The following DPH6 variants were observed in gnomAD, a reference collection of about 807,000 sequenced individuals.
DPH6 encodes diphthine--ammonia ligase.
In DPH6, 33 loss-of-function variants were observed where a neutral mutation model predicts 38.2. That is an observed-to-expected ratio of 0.86 (90% CI 0.65 to 1.15). DPH6 has a LOEUF of 1.15. DPH6 is among the 50% of genes most tolerant of loss of function. DPH6 has a pLI of 0.00. For missense variants in DPH6, 325 were observed against 320.0 expected (o/e 1.02, Z -0.12); for synonymous variants, 108 against 103.0 (o/e 1.05, Z -0.30).
rs59254765 is a variant in DPH6 at position 35,475,734 on chromosome 15, G to A, written c.313-20914C>T. Among the ~76,000 whole-genome samples the A allele has an allele frequency of 3.1e-3, 472 of 151,614 alleles. 3 individuals are homozygous for A. The East Asian group carries it at 0.035, about 11-fold the overall frequency. Reference sequence around the variant, plus strand: ...TAATTTCCCAATTTAAAGCACCAGAGGGACCAGAAAGTAATGTTAAAAAGA... The same window carrying A: ...TAATTTCCCAATTTAAAGCACCAGAAGGACCAGAAAGTAATGTTAAAAAGA... On this transcript the variant is annotated intron_variant, in intron 3 of 8. Coordinates refer to ENST00000256538, the MANE Select transcript of DPH6 (RefSeq NM_080650.4).
At position 35,231,831 on chromosome 15, in the gene DPH6, G is replaced by C. The variant is rs578165763; in HGVS notation, n.201-11249C>G. 3.3e-5 allele frequency among the ~76,000 whole-genome samples: 5 copies of C among 152,218 alleles called. No individual in the cohort carries two copies. The East Asian group carries it at 9.7e-4, about 29-fold the overall frequency. Reference sequence around the variant, plus strand: ...TGGTGAGAGAGGGAGCAAGAGTGAGGGGAGGAGGTGCCAGGGTCTTTGAAA... The same window carrying C: ...TGGTGAGAGAGGGAGCAAGAGTGAGCGGAGGAGGTGCCAGGGTCTTTGAAA... On this transcript the variant is annotated intron_variant and non_coding_transcript_variant, in intron 3 of 3. Transcript: ENST00000560386.
chr15:35,356,974 C>T (rs983928600), intron 3 of DPH6, among the ~76,000 whole-genome samples: 8 of 152,318 alleles, frequency 5.3e-5, no homozygotes, highest in East Asian at 1.9e-4. Context: ...ACTCAAGCCT[C>T]GGCAGTGGCG....
chr15:35,177,548 C>T, the DPH6 span, among the ~76,000 whole-genome samples: 3 of 145,354 alleles, frequency 2.1e-5, no homozygotes, highest in African/African-American at 7.7e-5. Flanking sequence ...ATTGCACTTG[C>T]ACTCCACCCT....
chr15:35,483,870 C>T (rs962342190), intron 3 of DPH6, among the ~76,000 whole-genome samples: 1 of 152,148 alleles, frequency 6.6e-6, no homozygotes, highest in East Asian at 1.9e-4. Flanking sequence ...AAATGAAGTA[C>T]TGATGTGTAC....
intron 3 of DPH6, among the ~76,000 whole-genome samples, chr15:35,506,950 G>A (rs1179837842): frequency 1.9e-5 from 1 of 51,796 alleles, no homozygotes; most frequent in Non-Finnish European, 3.4e-5. Flanking sequence ...ATATGACAGT[G>A]TCAGAGAAAA....
At chr15:35,414,363 G>C (rs1327330497) in intron 5 of DPH6, among the ~76,000 whole-genome samples, 1 of 151,686 alleles carries the variant, frequency 6.6e-6, no homozygotes. Context: ...CCCATATAAG[G>C]AATCTTTATT....
intron 3 of DPH6, among the ~76,000 whole-genome samples, chr15:35,271,933 T>C (rs757038951): frequency 6.6e-6 from 1 of 152,216 alleles, no homozygotes; most frequent in Non-Finnish European, 1.5e-5. Context: ...TTATAAACTA[T>C]GTAACCTCAG....
chr15:35,329,956 A>T (rs1290253998), downstream of DPH6, among the ~76,000 whole-genome samples: 1 of 152,190 alleles, frequency 6.6e-6, no homozygotes, highest in East Asian at 1.9e-4. Flanking sequence ...TTAAAAAAAA[A>T]TATGTTTGGA....
chr15:35,451,968 C>T (rs1344158911), intron 4 of DPH6, among the ~76,000 whole-genome samples: 1 of 152,172 alleles, frequency 6.6e-6, no homozygotes, highest in Non-Finnish European at 1.5e-5. Flanking sequence ...CGAGATTGCG[C>T]CGCTGCACTC....
At chr15:35,175,785 T>C in the DPH6 span, among the ~76,000 whole-genome samples, 6 of 152,208 alleles carry the variant, frequency 3.9e-5, no homozygotes, top group African/African-American at 1.2e-4. Flanking sequence ...TCAATATAAT[T>C]CCACACTGAA....
intron 5 of DPH6, among the ~76,000 whole-genome samples, chr15:35,446,924 A>C (rs903010501): frequency 6.6e-6 from 1 of 150,430 alleles, no homozygotes; most frequent in African/African-American, 2.5e-5. Context: ...GCTGGAGTGC[A>C]GTGGCGTGAT....
intron 6 of DPH6, among the ~76,000 whole-genome samples, chr15:35,388,109 A>T (rs1241827919): frequency 3.3e-5 from 5 of 151,964 alleles, no homozygotes; most frequent in Admixed American, 6.6e-5. Context: ...TCATGTGCTT[A>T]TTGTCTTTGG....
chr15:35,183,528 G>T, the DPH6 span, among the ~76,000 whole-genome samples: 1 of 152,162 alleles, frequency 6.6e-6, no homozygotes, highest in Non-Finnish European at 1.5e-5. Context: ...TAATTGATAA[G>T]AAAATAATTA....
At chr15:35,472,108 C>CA (rs1299818840) in intron 3 of DPH6, among the ~76,000 whole-genome samples, 2 of 151,976 alleles carry the variant, frequency 1.3e-5, no homozygotes, top group Non-Finnish European at 2.9e-5. Flanking sequence ...AGATAAACAA[C>CA]AAAAAAATAA....
the DPH6 span, among the ~76,000 whole-genome samples, chr15:35,183,377 C>T: frequency 6.6e-6 from 1 of 152,180 alleles, no homozygotes; most frequent in Admixed American, 6.5e-5. Flanking sequence ...GCAATTGCGC[C>T]TCTACTGCTT....
chr15:35,307,598 T>C (rs1010612337), intron 3 of DPH6, among the ~76,000 whole-genome samples: 5 of 152,212 alleles, frequency 3.3e-5, no homozygotes, highest in African/African-American at 1.2e-4. Flanking sequence ...CAATTTTAAC[T>C]TTACTTGTAT....
intron 3 of DPH6, among the ~76,000 whole-genome samples, chr15:35,271,508 C>T (rs1312025328): frequency 6.6e-6 from 1 of 152,204 alleles, no homozygotes; most frequent in African/African-American, 2.4e-5. Context: ...ATAACAAGAC[C>T]AGTAAGCACC....
chr15:35,386,802 A>T (rs1053176078), intron 6 of DPH6, among the ~76,000 whole-genome samples: 7 of 152,030 alleles, frequency 4.6e-5, no homozygotes, highest in African/African-American at 9.7e-5. Flanking sequence ...GCCTGTTCAC[A>T]CTGATGGTGG....
At chr15:35,454,299 C>T (rs891734938) in intron 4 of DPH6, among the ~76,000 whole-genome samples, 1 of 152,052 alleles carries the variant, frequency 6.6e-6, no homozygotes, top group Non-Finnish European at 1.5e-5. Flanking sequence ...GCATTTCAAT[C>T]ATATAAATAT....
Sources: allele counts gnomAD v4.1 joint callset (sites outside exome capture counted in the v4.1 genomes callset), GRCh38; gene constraint gnomAD v4.1.1; transcripts MANE v1.5; gene names NCBI Gene and HGNC (gene_info 2026-07-23, HGNC 2026-07-21).